C5orf47: variants seen among roughly 807,000 people sequenced by gnomAD.
C5orf47 encodes uncharacterized protein C5orf47.
A neutral mutation model predicts 20.6 loss-of-function variants in C5orf47; 20 were observed. The observed-to-expected ratio is 0.97, with a 90% CI of 0.68 to 1.41. C5orf47 has a LOEUF of 1.41. C5orf47 is among the 40% of genes most tolerant of loss of function. C5orf47 has a pLI of 0.00. For missense variants in C5orf47, 262 were observed against 238.4 expected (o/e 1.10, Z -0.65); for synonymous variants, 106 against 97.3 (o/e 1.09, Z -0.53).
chr5:174,007,366 T>C (rs191838502), downstream of C5orf47, among the ~76,000 whole-genome samples: 95 of 152,330 alleles, frequency 6.2e-4, no homozygotes, highest in African/African-American at 2.1e-3. Context: ...ACAAAGTTAA[T>C]TGAATAGTAG....
chr5:174,009,130 C>G (rs188573982), downstream of C5orf47, among the ~76,000 whole-genome samples: 1 of 152,066 alleles, frequency 6.6e-6, no homozygotes, highest in Non-Finnish European at 1.5e-5. Context: ...CGCTAGAAAG[C>G]CTCCAGTGTC....
chr5:173,997,839 A>C (rs1759125600), intron 1 of C5orf47, among the ~76,000 whole-genome samples: 1 of 152,166 alleles, frequency 6.6e-6, no homozygotes, highest in African/African-American at 2.4e-5. Context: ...GTAGAGATAC[A>C]CTGGGGCAAG....
In C5orf47 at chr5:173,998,257, G is replaced by A; in HGVS notation, c.411+19G>A. 7.6e-7 allele frequency: 1 copy of A among 1,313,974 alleles called. No individual in the cohort carries two copies. Among genetic ancestry groups the A allele is most frequent in the Non-Finnish European group, 1.1e-6 (1 of 946,298 alleles). The allele number at this position is 1,313,974 out of a possible 1,614,324, so 81.4% of individuals were successfully genotyped here. Reference sequence around the variant, plus strand: ...GAAAAAGGTATATTGCTGTAAAGGAGAATGAGCAATATTTGAATTTTAGAT... The same window carrying A: ...GAAAAAGGTATATTGCTGTAAAGGAAAATGAGCAATATTTGAATTTTAGAT... On this transcript the variant is annotated intron_variant, in intron 2 of 4. Transcript: ENST00000340147.
rs1427894365 is a variant in C5orf47 at position 173,989,278 on chromosome 5, C to T, written c.15C>T (p.Gly5=). The change falls in exon 1 of 5, where the codon GGC becomes GGT. Residue 5 remains glycine (G), a synonymous_variant. Transcript: ENST00000340147. The part of the protein sequence containing the change: MAAA[G]RGREQDSARF... Reference sequence around the variant, plus strand: ...CTGAGGCTGCGATGGCGGCGGCAGGCCGGGGTCGGGAGCAGGACTCGGCGC... The same window carrying T: ...CTGAGGCTGCGATGGCGGCGGCAGGTCGGGGTCGGGAGCAGGACTCGGCGC... 6 of 1,384,788 alleles carry T rather than the reference C, an allele frequency of 4.3e-6. No homozygotes were observed. The highest frequency in any genetic ancestry group is 5.6e-6 in the Non-Finnish European group (6 of 1,065,736). 85.8% of individuals were successfully genotyped at this position (1,384,788 alleles called of 1,614,324 possible).
chr5:174,005,622 G>A lies in C5orf47; in HGVS notation c.*1368G>A, dbSNP rs1478382880. The A allele has an allele frequency of 6.6e-6, 1 of 152,296 alleles. No individual in the cohort carries two copies. Among genetic ancestry groups the A allele is most frequent in the Non-Finnish European group, 1.5e-5 (1 of 68,018 alleles). 9.4% of individuals were successfully genotyped at this position (152,296 alleles called of 1,614,324 possible). ...ATTTCAGGCTGCTAAATCCTTGGGT[G>A]AAGCTTCAAATTTTAGCTTATGCAA... On this transcript the variant is annotated 3_prime_UTR_variant, in exon 5 of 5. Coordinates refer to ENST00000340147, the MANE Select transcript of C5orf47 (RefSeq NM_001144954.2).
intron 4 of C5orf47, among the ~76,000 whole-genome samples, chr5:174,002,106 G>A (rs1234228281): frequency 1.3e-5 from 2 of 151,610 alleles, no homozygotes; most frequent in African/African-American, 2.4e-5. Context: ...CTACAAGTAT[G>A]CACCACCATG....
At chr5:173,997,238 A>G (rs1759114572) in intron 1 of C5orf47, among the ~76,000 whole-genome samples, 1 of 152,106 alleles carries the variant, frequency 6.6e-6, no homozygotes, top group Admixed American at 6.6e-5. Flanking sequence ...AGAAAGTGAG[A>G]GATAGAGTGG....
chr5:173,997,257 C>G (rs933184066), intron 1 of C5orf47, among the ~76,000 whole-genome samples: 2 of 151,950 alleles, frequency 1.3e-5, no homozygotes, highest in African/African-American at 4.8e-5. Context: ...GGTGGTAGGG[C>G]AGGAACAAGG....
chr5:173,993,209 T>A (rs140630941), intron 1 of C5orf47, among the ~76,000 whole-genome samples: 1 of 152,264 alleles, frequency 6.6e-6, no homozygotes, highest in African/African-American at 2.4e-5. Flanking sequence ...GAGCAGCAAT[T>A]TAATGTTTTT....
chr5:173,993,590 G>T (rs1375352958), intron 1 of C5orf47, among the ~76,000 whole-genome samples: 2 of 152,162 alleles, frequency 1.3e-5, no homozygotes, highest in Non-Finnish European at 2.9e-5. Context: ...GTTGCAGTGA[G>T]CTGAGATCGT....
rs1316595676 is a variant in C5orf47 at position 173,989,453 on chromosome 5, C to T, written c.190C>T (p.Gln64Ter). 5 of 1,549,452 alleles carry T rather than the reference C, an allele frequency of 3.2e-6. No individual in the cohort carries two copies. The highest frequency in any genetic ancestry group is 4.4e-6 in the Non-Finnish European group (5 of 1,146,094). Residue 64 changes from glutamine to a stop codon, truncating the protein, a stop_gained, in exon 1 of 5, where the codon CAG becomes TAG. Coordinates refer to ENST00000340147, the MANE Select transcript of C5orf47 (RefSeq NM_001144954.2). LOFTEE classifies it high-confidence loss of function. ...PREAMAVAGV[Q>*]GGSELPLGSQ... ...GGAAGCAATGGCGGTGGCGGGCGTTCAGGGTGGCAGCGAGCTGCCCCTCGG... is the reference window on the plus strand; with the variant it reads ...GGAAGCAATGGCGGTGGCGGGCGTTTAGGGTGGCAGCGAGCTGCCCCTCGG...
Position 173,989,280 on chromosome 5 carries a change from G to T in C5orf47, c.17G>T (p.Arg6Leu). The T allele has an allele frequency of 7.2e-7, 1 of 1,384,660 alleles. No homozygotes were observed. The highest frequency in any genetic ancestry group is 9.4e-7 in the Non-Finnish European group (1 of 1,065,492). 85.8% of individuals were successfully genotyped at this position (1,384,660 alleles called of 1,614,324 possible). The change falls in exon 1 of 5, where the codon CGG becomes CTG. Residue 6 changes from arginine (R) to leucine (L), a missense_variant. Coordinates refer to ENST00000340147, the MANE Select transcript of C5orf47 (RefSeq NM_001144954.2). ...GAGGCTGCGATGGCGGCGGCAGGCCGGGGTCGGGAGCAGGACTCGGCGCGC... is the reference window on the plus strand; with the variant it reads ...GAGGCTGCGATGGCGGCGGCAGGCCTGGGTCGGGAGCAGGACTCGGCGCGC... MAAAG[R>L]GREQDSARFV...
At position 173,993,425 on chromosome 5, in the gene C5orf47, G is replaced by A. The variant is rs148824810; in HGVS notation, c.325+3837G>A. Among the ~76,000 whole-genome samples, 284 of 152,142 alleles carry A rather than the reference G, an allele frequency of 1.9e-3. 7 individuals carry two copies. The East Asian group carries it at 0.046, about 25-fold the overall frequency. On this transcript the variant is annotated intron_variant, in intron 1 of 4. Transcript: ENST00000340147. ...TGGGAGGCCAAGGTGGGCAGATCACGAGATCAGGAGTTTGAGACCAGCCTG... is the reference window on the plus strand; with the variant it reads ...TGGGAGGCCAAGGTGGGCAGATCACAAGATCAGGAGTTTGAGACCAGCCTG...
At chr5:173,994,454 C>G (rs1759053317) in intron 1 of C5orf47, among the ~76,000 whole-genome samples, 1 of 152,180 alleles carries the variant, frequency 6.6e-6, no homozygotes, top group Non-Finnish European at 1.5e-5. Flanking sequence ...CTTGTTAACT[C>G]TGCCACAAAG....
intron 1 of C5orf47, among the ~76,000 whole-genome samples, chr5:173,992,232 AT>A (rs112978271): frequency 0.25 from 34,541 of 136,914 alleles, 6,841 homozygotes; most frequent in African/African-American, 0.57. Context: ...TATTTTGTTA[AT>A]TTTTTTTTTT....
chr5:173,990,903 C>T (rs558008534), intron 1 of C5orf47, among the ~76,000 whole-genome samples: 3 of 152,338 alleles, frequency 2.0e-5, no homozygotes, highest in East Asian at 3.9e-4. Context: ...CTATAGTTCA[C>T]AGTGCATACA....
At chr5:174,001,269 T>TC in intron 4 of C5orf47, 38 bp downstream of exon 4, 4 of 1,104,066 alleles carry the variant, frequency 3.6e-6, no homozygotes, top group South Asian at 1.4e-5. Context: ...GGAATATAGA[T>TC]TTTATTCCCT....
chr5:174,007,389 C>G (rs1239931267), downstream of C5orf47, among the ~76,000 whole-genome samples: 5 of 152,170 alleles, frequency 3.3e-5, no homozygotes, highest in Non-Finnish European at 5.9e-5. Flanking sequence ...CTGAACACAG[C>G]TGCTTTGCTA....
At chr5:174,008,629 G>A (rs572838828), downstream of C5orf47, among the ~76,000 whole-genome samples, 3 of 151,880 alleles carry the variant, frequency 2.0e-5, no homozygotes, top group Non-Finnish European at 2.9e-5. Flanking sequence ...TCAGGAGATC[G>A]AGACCATCTT....
Sources: allele counts gnomAD v4.1 joint callset (sites outside exome capture counted in the v4.1 genomes callset), GRCh38; gene constraint gnomAD v4.1.1; transcripts MANE v1.5; gene names NCBI Gene and HGNC (gene_info 2026-07-23, HGNC 2026-07-21).